Variants in MIS18A observed in about 807,000 individuals in gnomAD.
MIS18A encodes the protein protein Mis18-alpha.
Under a neutral mutation model 25.0 loss-of-function variants are expected in MIS18A, and 14 were observed. That is an observed-to-expected ratio of 0.56 (90% CI 0.37 to 0.88). The LOEUF (loss-of-function observed/expected upper bound fraction) is 0.88. Among genes scored for constraint, MIS18A ranks in the 40% least tolerant of loss-of-function variants. The pLI is 0.00. For synonymous variants in MIS18A, 134 were observed against 118.6 expected (o/e 1.13, Z -0.84); for missense variants, 292 against 290.8 (o/e 1.00, Z -0.03).
the MIS18A span, among the ~76,000 whole-genome samples, chr21:32,233,393 C>T: frequency 1.3e-5 from 2 of 152,144 alleles, no homozygotes; most frequent in Admixed American, 6.5e-5. Flanking sequence ...TAAGAATCTA[C>T]ACTTTGAGGG....
At chr21:32,188,645 C>T in the MIS18A span, among the ~76,000 whole-genome samples, 1 of 152,134 alleles carries the variant, frequency 6.6e-6, no homozygotes, top group Admixed American at 6.5e-5. Flanking sequence ...GAGGAAAAGA[C>T]GTTGCTCCAG....
the MIS18A span, among the ~76,000 whole-genome samples, chr21:32,176,588 A>G: frequency 6.6e-6 from 1 of 152,224 alleles, no homozygotes; most frequent in Non-Finnish European, 1.5e-5. Context: ...GGGGGAATTT[A>G]TAGCTTTAAA....
At chr21:32,161,123 C>CA in the MIS18A span, among the ~76,000 whole-genome samples, 2 of 152,214 alleles carry the variant, frequency 1.3e-5, no homozygotes, top group African/African-American at 2.4e-5. Context: ...ACAGTACATT[C>CA]ATCATAATTA....
the MIS18A span, among the ~76,000 whole-genome samples, chr21:32,163,628 G>A: frequency 6.6e-6 from 1 of 152,278 alleles, no homozygotes; most frequent in East Asian, 1.9e-4. Context: ...GTGACTTGAG[G>A]AATTGATATC....
the MIS18A span, among the ~76,000 whole-genome samples, chr21:32,185,756 C>T: frequency 6.6e-6 from 1 of 152,086 alleles, no homozygotes; most frequent in Non-Finnish European, 1.5e-5. Context: ...CAAGACCCTC[C>T]TAAAGTCCAA....
the MIS18A span, among the ~76,000 whole-genome samples, chr21:32,199,533 C>T: frequency 2.0e-5 from 3 of 152,144 alleles, no homozygotes; most frequent in Non-Finnish European, 2.9e-5. Context: ...TGGGGCCGGG[C>T]GTGGTGGCTC....
the MIS18A span, among the ~76,000 whole-genome samples, chr21:32,156,820 C>G: frequency 0.1 from 15,398 of 151,884 alleles, 2,608 homozygotes; most frequent in African/African-American, 0.35. Context: ...GTAAAAGAGA[C>G]CCCCTTAACC....
At chr21:32,274,306 G>C (rs1199578547) in intron 2 of MIS18A, among the ~76,000 whole-genome samples, 1 of 135,154 alleles carries the variant, frequency 7.4e-6, no homozygotes, top group East Asian at 2.4e-4. Flanking sequence ...CGTAGTTCTA[G>C]TGATTCTCCT....
chr21:32,208,480 A>G, the MIS18A span, among the ~76,000 whole-genome samples: 5 of 151,996 alleles, frequency 3.3e-5, no homozygotes, highest in Non-Finnish European at 1.5e-5. Context: ...TTCCACCATG[A>G]TTGTAAGTTT....
chr21:32,162,638 T>C, the MIS18A span, among the ~76,000 whole-genome samples: 8 of 152,344 alleles, frequency 5.3e-5, no homozygotes, highest in Admixed American at 5.2e-4. Flanking sequence ...ATGGAACTTC[T>C]CTGGGCAAGG....
downstream of MIS18A, among the ~76,000 whole-genome samples, chr21:32,266,711 C>G (rs548358557): frequency 6.6e-6 from 1 of 151,852 alleles, no homozygotes; most frequent in South Asian, 2.1e-4. Context: ...TCAGAAGGGA[C>G]AGACTCCAGA....
chr21:32,269,850 G>GC, intron 3 of MIS18A, 47 bp from the exon 4 acceptor site: 1 of 1,163,508 alleles, frequency 8.6e-7, no homozygotes, highest in Non-Finnish European at 1.3e-6. Flanking sequence ...GTGGTGGCAT[G>GC]CACTTGTTCC....
chr21:32,177,718 G>T, the MIS18A span, among the ~76,000 whole-genome samples: 1 of 151,908 alleles, frequency 6.6e-6, no homozygotes, highest in African/African-American at 2.4e-5. Context: ...TAAACCCAAA[G>T]AAAATTTTTC....
chr21:32,198,030 A>C, the MIS18A span, among the ~76,000 whole-genome samples: 1 of 152,238 alleles, frequency 6.6e-6, no homozygotes, highest in African/African-American at 2.4e-5. Flanking sequence ...ATCTAATAGC[A>C]AACTAAATAT....
At chr21:32,160,163 G>C in the MIS18A span, among the ~76,000 whole-genome samples, 1,014 of 152,136 alleles carry the variant, frequency 6.7e-3, 14 homozygotes, top group African/African-American at 0.023. Context: ...TGATATACAG[G>C]GTTCAATAAA....
the MIS18A span, among the ~76,000 whole-genome samples, chr21:32,172,441 T>C: frequency 1.6e-4 from 24 of 152,044 alleles, no homozygotes; most frequent in Admixed American, 5.9e-4. Context: ...TAATATTCCA[T>C]TTGACTATAG....
intron 2 of MIS18A, among the ~76,000 whole-genome samples, chr21:32,274,348 G>A (rs903571357): frequency 6.6e-6 from 1 of 151,568 alleles, no homozygotes; most frequent in African/African-American, 2.4e-5. Flanking sequence ...GGGATTACAG[G>A]CCCGCACCAC....
the MIS18A span, among the ~76,000 whole-genome samples, chr21:32,178,755 G>A: frequency 6.6e-6 from 1 of 152,118 alleles, no homozygotes; most frequent in African/African-American, 2.4e-5. Flanking sequence ...TTTCATCACT[G>A]AGGGAAAATC....
chr21:32,266,136 A>G (rs13047452), downstream of MIS18A, among the ~76,000 whole-genome samples: 4 of 150,086 alleles, frequency 2.7e-5, no homozygotes, highest in Non-Finnish European at 6.0e-5. Flanking sequence ...TACACCAATC[A>G]GCACCCTGTG....
Sources: allele counts gnomAD v4.1 joint callset (sites outside exome capture counted in the v4.1 genomes callset), GRCh38; gene constraint gnomAD v4.1.1; transcripts MANE v1.5; gene names NCBI Gene and HGNC (gene_info 2026-07-23, HGNC 2026-07-21).